The following MEI1 variants were observed in gnomAD, a reference collection of about 807,000 sequenced individuals.
MEI1 encodes meiotic double-stranded break formation protein 1.
A neutral mutation model predicts 146.2 loss-of-function variants in MEI1; 103 were observed. The observed-to-expected ratio is 0.70, with a 90% CI of 0.60 to 0.83. MEI1 has a LOEUF of 0.83. MEI1 is among the 40% of genes least tolerant of loss of function. MEI1 has a pLI of 0.00. For synonymous variants in MEI1, 652 were observed against 628.2 expected (o/e 1.04, Z -0.57); for missense variants, 1,529 against 1,533.0 (o/e 1.00, Z 0.04).
chr22:41,752,073 A>G (rs890081807), intron 15 of MEI1, among the ~76,000 whole-genome samples: 4 of 147,392 alleles, frequency 2.7e-5, no homozygotes, highest in African/African-American at 1.0e-4. Flanking sequence ...CGTCTCAGGA[A>G]AAAAAAAAAA....
intron 6 of MEI1, among the ~76,000 whole-genome samples, chr22:41,722,744 C>A (rs1454086568): frequency 6.6e-6 from 1 of 152,170 alleles, no homozygotes; most frequent in Non-Finnish European, 1.5e-5. Context: ...GGCCCCCAGG[C>A]TAGATTAGAT....
intron 17 of MEI1, among the ~76,000 whole-genome samples, chr22:41,755,850 A>C (rs1333248966): frequency 6.6e-6 from 1 of 152,062 alleles, no homozygotes; most frequent in South Asian, 2.1e-4. Context: ...TCTGCTACCA[A>C]ATTGCTGTGG....
chr22:41,749,148 T>C (rs994756226), intron 15 of MEI1, among the ~76,000 whole-genome samples: 2 of 152,148 alleles, frequency 1.3e-5, no homozygotes, highest in Non-Finnish European at 2.9e-5. Flanking sequence ...ATCATTATAA[T>C]TTAATGTTTT....
At chr22:41,762,784 G>T (rs893954175) in intron 18 of MEI1, among the ~76,000 whole-genome samples, 4 of 151,838 alleles carry the variant, frequency 2.6e-5, no homozygotes, top group African/African-American at 9.7e-5. Flanking sequence ...TATGCTTTTG[G>T]TGTTATATCT....
chr22:41,754,209 A>G (rs919417577), intron 17 of MEI1, among the ~76,000 whole-genome samples, 163 bp downstream of exon 17: 2 of 152,114 alleles, frequency 1.3e-5, no homozygotes, highest in African/African-American at 4.8e-5. Context: ...ATTCCTAGGG[A>G]TATGAAGTAA....
At chr22:41,756,750 C>T (rs1367755326) in intron 17 of MEI1, among the ~76,000 whole-genome samples, 1 of 152,188 alleles carries the variant, frequency 6.6e-6, no homozygotes. Context: ...CTGGCATTAC[C>T]GGCTTGAGCC....
At chr22:41,715,949 A>G in intron 4 of MEI1, 92 bp from the exon 5 acceptor site, 1 of 877,192 alleles carries the variant, frequency 1.1e-6, no homozygotes, top group East Asian at 2.8e-5. Context: ...CACATGCAAT[A>G]CAGGCATTGG....
intron 12 of MEI1, 135 bp downstream of exon 12, chr22:41,743,329 T>A: frequency 1.7e-6 from 1 of 585,008 alleles, no homozygotes; most frequent in Admixed American, 2.6e-5. Context: ...AATGAGATGC[T>A]TTTTCCCTAA....
intron 7 of MEI1, among the ~76,000 whole-genome samples, chr22:41,727,947 A>G (rs367995537): frequency 2.0e-5 from 3 of 152,108 alleles, no homozygotes; most frequent in African/African-American, 7.2e-5. Context: ...AAAATTCCAG[A>G]CTCCCAGAAG....
chr22:41,705,754 C>G (rs2069046064), intron 3 of MEI1, among the ~76,000 whole-genome samples, 200 bp downstream of exon 3: 1 of 149,280 alleles, frequency 6.7e-6, no homozygotes. Context: ...GTTGCCCAGG[C>G]TGGAGTGCGG....
intron 20 of MEI1, 46 bp from the exon 21 acceptor site, chr22:41,776,056 C>T (rs750231233): frequency 1.5e-5 from 23 of 1,586,040 alleles, no homozygotes; most frequent in Non-Finnish European, 2.0e-5. Context: ...CACTTTTCCC[C>T]AACTGCAGTA....
intron 21 of MEI1, among the ~76,000 whole-genome samples, chr22:41,777,611 C>G (rs187582039): frequency 3.3e-5 from 5 of 152,234 alleles, no homozygotes; most frequent in African/African-American, 1.2e-4. Context: ...GGTTAAGAAC[C>G]TTAAGATGTA....
chr22:41,767,711 G>A (rs1184399217), intron 19 of MEI1: 1 of 422,970 alleles, frequency 2.4e-6, no homozygotes, highest in South Asian at 1.6e-5. Flanking sequence ...TAGGTACCAT[G>A]TGGGGCCCTG....
rs565126726 is a variant in MEI1 at position 41,755,320 on chromosome 22, C to T, written c.1951+1274C>T. Among the ~76,000 whole-genome samples the T allele has an allele frequency of 7.2e-5, 11 of 152,262 alleles. No individual in the cohort carries two copies. The South Asian group carries it at 1.0e-3, about 14-fold the overall frequency. On this transcript the variant is annotated intron_variant, in intron 17 of 30. Transcript: ENST00000401548. ...TGTGAAGATTCTGTGTCCTCTCCCC[C>T]ACTCTCTACACCTGCTGCTCTCTTT...
intron 7 of MEI1, among the ~76,000 whole-genome samples, chr22:41,726,689 A>G (rs544355142): frequency 2.0e-5 from 3 of 152,366 alleles, no homozygotes; most frequent in South Asian, 4.1e-4. Flanking sequence ...TTAGTGGTAC[A>G]TAAAATAATG....
chr22:41,784,217 TCCG>T, intron 24 of MEI1, 119 bp from the exon 25 acceptor site: 1 of 836,130 alleles, frequency 1.2e-6, no homozygotes, highest in Non-Finnish European at 1.9e-6. Flanking sequence ...TGTGGCCTCC[TCCG>T]TCCCCTTTTG....
chr22:41,700,357 GTC>G (rs2068607342), intron 1 of MEI1, among the ~76,000 whole-genome samples: 1 of 152,208 alleles, frequency 6.6e-6, no homozygotes, highest in African/African-American at 2.4e-5. Context: ...TCGAGACGGA[GTC>G]TCGCTCTGAC....
intron 26 of MEI1, 64 bp downstream of exon 26, chr22:41,784,847 G>T: frequency 1.4e-6 from 2 of 1,391,456 alleles, no homozygotes; most frequent in South Asian, 1.6e-5. Context: ...GTGGCTGCCT[G>T]TCGAGAGCCT....
At chr22:41,762,112 T>G (rs926439026) in intron 18 of MEI1, among the ~76,000 whole-genome samples, 2 of 152,218 alleles carry the variant, frequency 1.3e-5, no homozygotes, top group African/African-American at 2.4e-5. Context: ...ATGTATTTGT[T>G]TGAGTAGTGT....
Sources: allele counts gnomAD v4.1 joint callset (sites outside exome capture counted in the v4.1 genomes callset), GRCh38; gene constraint gnomAD v4.1.1; transcripts MANE v1.5; gene names NCBI Gene and HGNC (gene_info 2026-07-23, HGNC 2026-07-21).